Variants in UBE3D observed in about 807,000 individuals in gnomAD.
The protein encoded by UBE3D is E3 ubiquitin-protein ligase E3D.
In UBE3D, 48 loss-of-function variants were observed where a neutral mutation model predicts 49.6. The ratio of observed to expected loss-of-function variants is 0.97; its 90% CI spans 0.77 to 1.23. The LOEUF is 1.23. Ranked by LOEUF, UBE3D falls within the 50% of genes most tolerant of loss-of-function variation. UBE3D has a pLI of 0.00. For missense variants in UBE3D, 452 were observed against 468.4 expected (o/e 0.96, Z 0.32); for synonymous variants, 189 against 174.2 (o/e 1.08, Z -0.67).
chr6:82,988,283 C>T (rs1284084708), intron 8 of UBE3D, among the ~76,000 whole-genome samples: 1 of 152,084 alleles, frequency 6.6e-6, no homozygotes, highest in Non-Finnish European at 1.5e-5. Flanking sequence ...ACCTACCTAT[C>T]AAGTTTTATT....
chr6:82,887,389 G>GTTTTTGTTTTGTTTTGTTTTTTTTT, the UBE3D span, among the ~76,000 whole-genome samples: 1 of 98,368 alleles, frequency 1.0e-5, no homozygotes, highest in Non-Finnish European at 1.9e-5. Context: ...GACAGTAACA[G>GTTTTTGTTTTGTTTTGTTTTTTTTT]TTTTTTTTTT....
At chr6:82,930,804 GC>G (rs1774086060) in intron 9 of UBE3D, among the ~76,000 whole-genome samples, 1 of 152,204 alleles carries the variant, frequency 6.6e-6, no homozygotes, top group African/African-American at 2.4e-5. Flanking sequence ...AAAATTTGCA[GC>G]CTGACAGTGC....
At chr6:83,021,595 G>C (rs1781093328) in intron 7 of UBE3D, among the ~76,000 whole-genome samples, 1 of 152,118 alleles carries the variant, frequency 6.6e-6, no homozygotes, top group East Asian at 1.9e-4. Context: ...GGCTGGGCGT[G>C]GTGGCTCATG....
chr6:82,884,227 A>G, the UBE3D span, among the ~76,000 whole-genome samples: 1 of 152,054 alleles, frequency 6.6e-6, no homozygotes, highest in Non-Finnish European at 1.5e-5. Context: ...TTCCATCTAT[A>G]CCCTAGACAG....
At chr6:82,942,845 GC>G (rs1775114171) in intron 9 of UBE3D, among the ~76,000 whole-genome samples, 1 of 152,176 alleles carries the variant, frequency 6.6e-6, no homozygotes, top group South Asian at 2.1e-4. Flanking sequence ...TGGGGTCTGA[GC>G]CCCCACACAG....
At chr6:82,962,126 C>A (rs1208134065) in intron 8 of UBE3D, among the ~76,000 whole-genome samples, 1 of 151,952 alleles carries the variant, frequency 6.6e-6, no homozygotes, top group Non-Finnish European at 1.5e-5. Context: ...GGGGGCAATA[C>A]ATTCACAGTT....
intron 9 of UBE3D, among the ~76,000 whole-genome samples, chr6:82,943,731 G>A (rs1365309129): frequency 6.6e-6 from 1 of 152,134 alleles, no homozygotes; most frequent in Non-Finnish European, 1.5e-5. Context: ...GAAAAGAATA[G>A]GAAACAGTCT....
intron 8 of UBE3D, among the ~76,000 whole-genome samples, chr6:82,987,144 A>T (rs1582557588): frequency 6.6e-6 from 1 of 152,134 alleles, no homozygotes; most frequent in South Asian, 2.1e-4. Flanking sequence ...ATTAAAAAAA[A>T]TTTGCATAGA....
At chr6:82,940,855 T>C (rs985614402) in intron 9 of UBE3D, among the ~76,000 whole-genome samples, 1 of 152,132 alleles carries the variant, frequency 6.6e-6, no homozygotes, top group Non-Finnish European at 1.5e-5. Flanking sequence ...ATGAGCCCAA[T>C]TTTATATTAA....
intron 1 of UBE3D, among the ~76,000 whole-genome samples, chr6:83,060,476 G>A (rs991682178): frequency 3.3e-5 from 5 of 152,202 alleles, no homozygotes; most frequent in African/African-American, 1.2e-4. Context: ...GTAAATGCAT[G>A]TATGTACATA....
chr6:82,965,259 G>C (rs1202593840), intron 8 of UBE3D, among the ~76,000 whole-genome samples: 1 of 152,154 alleles, frequency 6.6e-6, no homozygotes, highest in Non-Finnish European at 1.5e-5. Flanking sequence ...CAAGACAGCA[G>C]TCACTAAGAA....
chr6:82,957,206 A>G lies in UBE3D; in HGVS notation c.1149+106T>C, dbSNP rs1776215927. 5 of 1,171,876 alleles carry G rather than the reference A, an allele frequency of 4.3e-6. No homozygotes were observed. The South Asian group carries it at 7.7e-5, about 18-fold the overall frequency. 72.6% of individuals were successfully genotyped at this position (1,171,876 alleles called of 1,614,324 possible). On this transcript the variant is annotated intron_variant, in intron 9 of 9. Transcript: ENST00000369747. ...CATGCATTATGCTTGTTATGATTTGAAACTAGGGAATTCCACGGGCTATCT... is the reference window on the plus strand; with the variant it reads ...CATGCATTATGCTTGTTATGATTTGGAACTAGGGAATTCCACGGGCTATCT...
At chr6:82,897,483 T>C (rs1038818386) in intron 9 of UBE3D, among the ~76,000 whole-genome samples, 12 of 151,910 alleles carry the variant, frequency 7.9e-5, no homozygotes, top group Non-Finnish European at 1.5e-4. Flanking sequence ...CCCAGCTACT[T>C]GGGAGGCTGA....
chr6:82,955,667 T>C (rs1010496526), intron 9 of UBE3D, among the ~76,000 whole-genome samples: 2 of 152,046 alleles, frequency 1.3e-5, no homozygotes, highest in South Asian at 4.1e-4. Flanking sequence ...TACTGCAAAA[T>C]AAGGGGAGGC....
At chr6:83,017,298 A>G (rs1279000641) in intron 8 of UBE3D, 1 of 152,204 alleles carries the variant, frequency 6.6e-6, no homozygotes, top group Non-Finnish European at 1.5e-5. Flanking sequence ...GATTCAACAT[A>G]CCTGTCACAA....
chr6:83,024,824 T>C (rs1781342952), intron 5 of UBE3D, among the ~76,000 whole-genome samples: 1 of 152,144 alleles, frequency 6.6e-6, no homozygotes, highest in African/African-American at 2.4e-5. Context: ...TGTGGAAGCC[T>C]GGGAGAAAGA....
chr6:83,000,483 A>G (rs964256936), intron 8 of UBE3D, among the ~76,000 whole-genome samples: 1 of 152,198 alleles, frequency 6.6e-6, no homozygotes, highest in Non-Finnish European at 1.5e-5. Context: ...CCAAACTAAA[A>G]TAATTTCTCT....
chr6:82,919,347 T>C (rs1773152742), intron 9 of UBE3D, among the ~76,000 whole-genome samples: 1 of 151,816 alleles, frequency 6.6e-6, no homozygotes. Context: ...CTCATGCCTG[T>C]AATCTCAGCA....
chr6:82,935,792 GA>G (rs1388699281), intron 9 of UBE3D, among the ~76,000 whole-genome samples: 1 of 152,062 alleles, frequency 6.6e-6, no homozygotes, highest in Non-Finnish European at 1.5e-5. Flanking sequence ...AAGGGGTATA[GA>G]ATTCTATACT....
Sources: allele counts gnomAD v4.1 joint callset (sites outside exome capture counted in the v4.1 genomes callset), GRCh38; gene constraint gnomAD v4.1.1; transcripts MANE v1.5; gene names NCBI Gene and HGNC (gene_info 2026-07-23, HGNC 2026-07-21).